The following MMP16 variants were observed in gnomAD, a reference collection of about 807,000 sequenced individuals.
The protein encoded by MMP16 is matrix metalloproteinase-16.
Under a neutral mutation model 67.8 loss-of-function variants are expected in MMP16, and 12 were observed. That is an observed-to-expected ratio of 0.18 (90% CI 0.11 to 0.29). The LOEUF (loss-of-function observed/expected upper bound fraction) is 0.29, where lower values mean the gene tolerates loss of function less well. Among genes scored for constraint, MMP16 ranks in the 10% least tolerant of loss-of-function variants. MMP16 has a pLI of 1.00. For missense variants in MMP16, 475 were observed against 765.7 expected, an observed-to-expected ratio of 0.62 and a Z score of 4.48; for synonymous variants, 249 against 255.9, an observed-to-expected ratio of 0.97 and a Z score of 0.26.
At chr8:88,249,489 G>A (rs538363324) in intron 1 of MMP16, among the ~76,000 whole-genome samples, 4 of 152,182 alleles carry the variant, frequency 2.6e-5, no homozygotes, top group African/African-American at 9.6e-5. Context: ...TAAGGGAATA[G>A]ATGCATCTCC....
In MMP16 at chr8:88,035,429, A is replaced by T. The variant is rs1011023141; in HGVS notation, c.*6032T>A. On this transcript the variant is annotated 3_prime_UTR_variant, in exon 10 of 10. Transcript: ENST00000286614. This position sits in a 1 kb window ranked among gnomAD's most constrained non-coding sequence, Gnocchi z 4.7. The stretch of plus-strand genomic sequence containing the variant: ...AATGATGCATAAAACAAATTCTAAG[A>T]CACACTCATCTTTAAGTTGAAAAGG... The T allele has an allele frequency of 1.3e-5, 2 of 152,062 alleles. No individual in the cohort carries two copies. Among genetic ancestry groups the T allele is most frequent in the African/African-American group, 4.8e-5 (2 of 41,440 alleles). The allele number at this position is 152,062 out of a possible 1,614,324, so 9.4% of individuals were successfully genotyped here. A position where few individuals can be genotyped will look rare whatever the true frequency, so the allele number is the denominator to read the frequency against.
intron 1 of MMP16, among the ~76,000 whole-genome samples, chr8:88,234,498 C>T (rs1262266170): frequency 2.0e-5 from 3 of 152,178 alleles, no homozygotes; most frequent in African/African-American, 7.2e-5. Flanking sequence ...GCTCTGGGTG[C>T]CATGGGTCCC....
intron 4 of MMP16, among the ~76,000 whole-genome samples, chr8:88,131,824 A>G (rs1237857226): frequency 6.6e-6 from 1 of 151,846 alleles, no homozygotes; most frequent in East Asian, 1.9e-4. Flanking sequence ...CAACACATAT[A>G]AAAGTGATGA....
chr8:88,099,680 T>C (rs1383513295), intron 6 of MMP16, among the ~76,000 whole-genome samples: 1 of 151,844 alleles, frequency 6.6e-6, no homozygotes, highest in African/African-American at 2.4e-5. Context: ...CCCTGTAATA[T>C]GTTGTTTCTC....
chr8:88,151,352 A>G (rs1185346402), intron 4 of MMP16, among the ~76,000 whole-genome samples: 6 of 150,000 alleles, frequency 4.0e-5, no homozygotes, highest in South Asian at 2.1e-4. Context: ...TCAGCTCTGT[A>G]CCAAGCGGAC....
At position 88,312,224 on chromosome 8, in the gene MMP16, T is replaced by C. The variant is rs28907886; in HGVS notation, c.132+14851A>G. Among the ~76,000 whole-genome samples, 479 of 152,270 alleles carry C rather than the reference T, an allele frequency of 3.1e-3. 4 individuals carry two copies. Among genetic ancestry groups the C allele is most frequent in the African/African-American group, 0.011 (449 of 41,558 alleles). On this transcript the variant is annotated intron_variant, in intron 1 of 9. Transcript: ENST00000286614. Reference sequence around the variant, plus strand: ...CTCTTCATACGGGTATTTTAAGCCATAGGAATCCAAAGACAGATTCCAGAG... The same window carrying C: ...CTCTTCATACGGGTATTTTAAGCCACAGGAATCCAAAGACAGATTCCAGAG...
rs182920572 is a variant in MMP16, at chr8:88,221,619, A to C, written c.133-24313T>G. ...CACAATTAAATATCCTGGAAGATTA[A>C]AAAATATAATTCTCAAACTAAAATA... On this transcript the variant is annotated intron_variant, in intron 1 of 9. Coordinates refer to ENST00000286614, the MANE Select transcript of MMP16 (RefSeq NM_005941.5). Among the ~76,000 whole-genome samples the C allele has an allele frequency of 6.1e-3, 260 of 42,530 alleles. 1 individual carries two copies. Among genetic ancestry groups the C allele is most frequent in the Non-Finnish European group, 0.018 (176 of 9,582 alleles). 27.9% of individuals were successfully genotyped at this position (42,530 alleles called of 152,430 possible).
intron 4 of MMP16, among the ~76,000 whole-genome samples, chr8:88,138,235 G>T (rs1312732609): frequency 6.6e-6 from 1 of 151,790 alleles, no homozygotes; most frequent in Non-Finnish European, 1.5e-5. Flanking sequence ...TTAAAATTGG[G>T]CAAATCACCT....
intron 1 of MMP16, among the ~76,000 whole-genome samples, chr8:88,252,358 T>C (rs1482587388): frequency 1.3e-5 from 2 of 152,102 alleles, no homozygotes; most frequent in Non-Finnish European, 2.9e-5. Flanking sequence ...ATTATCTTAA[T>C]GGACAACTGT....
At chr8:88,131,296 A>ACAC (rs1563540806) in intron 4 of MMP16, among the ~76,000 whole-genome samples, 25 of 125,640 alleles carry the variant, frequency 2.0e-4, no homozygotes, top group Admixed American at 9.4e-4. Context: ...CACACACACA[A>ACAC]TCTTCCATAA....
chr8:88,062,726 C>T (rs1159667763), intron 7 of MMP16, among the ~76,000 whole-genome samples: 1 of 151,944 alleles, frequency 6.6e-6, no homozygotes, highest in African/African-American at 2.4e-5. Flanking sequence ...TTAATGGGTG[C>T]AGCACACCAA....
intron 1 of MMP16, among the ~76,000 whole-genome samples, chr8:88,291,449 A>G (rs1205810621): frequency 1.3e-5 from 2 of 152,194 alleles, no homozygotes; most frequent in African/African-American, 4.8e-5. Context: ...AGGGAGCTAT[A>G]ATGAGAGAAG....
intron 1 of MMP16, among the ~76,000 whole-genome samples, chr8:88,268,451 A>C (rs1402412122): frequency 1.3e-5 from 2 of 152,240 alleles, no homozygotes; most frequent in Non-Finnish European, 2.9e-5. Context: ...AGACAAGAAG[A>C]AGCTTCAAGG....
rs149672584 is a variant in MMP16, at chr8:88,246,356, A to T, written c.133-49050T>A. On this transcript the variant is annotated intron_variant, in intron 1 of 9. Coordinates refer to ENST00000286614, the MANE Select transcript of MMP16 (RefSeq NM_005941.5). ...ATTTCCAATTCAGTTACAGGCAACC[A>T]GACACATCTTACATAGCACAACTAA... 2.6e-3 allele frequency among the ~76,000 whole-genome samples: 396 copies of T among 152,310 alleles called. 2 individuals are homozygous for T. Among genetic ancestry groups the T allele is most frequent in the African/African-American group, 8.9e-3 (372 of 41,576 alleles).
rs1160574377 is a variant in MMP16, at chr8:88,040,102, T to G, written c.*1359A>C. On this transcript the variant is annotated 3_prime_UTR_variant, in exon 10 of 10. Transcript: ENST00000286614. ...TATACCAAGGCAAATTGAATTTTCA[T>G]GCAATGGATTTTAAAACAGAAATTC... 6.6e-6 allele frequency: 1 copy of G among 152,592 alleles called. No homozygotes were observed. The highest frequency in any genetic ancestry group is 1.5e-5 in the Non-Finnish European group (1 of 68,028). The allele number at this position is 152,592 out of a possible 1,614,324, so 9.5% of individuals were successfully genotyped here.
At chr8:88,297,797 C>A (rs993744167) in intron 1 of MMP16, among the ~76,000 whole-genome samples, 1 of 152,078 alleles carries the variant, frequency 6.6e-6, no homozygotes, top group Non-Finnish European at 1.5e-5. Context: ...ATGAGTATGG[C>A]AATAATAACA....
chr8:88,220,776 T>C (rs1809669503), intron 1 of MMP16, among the ~76,000 whole-genome samples: 1 of 152,130 alleles, frequency 6.6e-6, no homozygotes, highest in African/African-American at 2.4e-5. Flanking sequence ...AGTGCTCTGT[T>C]CCACCCAAAC....
intron 1 of MMP16, among the ~76,000 whole-genome samples, chr8:88,241,517 A>C (rs913781391): frequency 6.6e-6 from 1 of 152,120 alleles, no homozygotes; most frequent in African/African-American, 2.4e-5. Context: ...AAAGGGAAGA[A>C]AAGCTGTTTT....
intron 6 of MMP16, among the ~76,000 whole-genome samples, chr8:88,079,636 A>C (rs748625725): frequency 6.6e-6 from 1 of 152,242 alleles, no homozygotes; most frequent in Non-Finnish European, 1.5e-5. Context: ...CTGAAATTAC[A>C]TAACACTATG....
Sources: gnomAD v4.1 joint callset for allele counts (sites outside exome capture counted in the v4.1 genomes callset) on GRCh38, gnomAD v4.1.1 for gene constraint, Gnocchi (gnomAD v3.1) non-coding constraint, MANE v1.5 for transcripts, NCBI Gene and HGNC (gene_info 2026-07-23, HGNC 2026-07-21) for gene names.